The following NICOL1 variants were observed in gnomAD, a reference collection of about 807,000 sequenced individuals.
NICOL1 encodes the protein NELL2 interacting cell ontogeny regulator 1, also known as NELL2-interacting cell ontogeny regulator 1.
At chr4:2,041,716 C>A in the NICOL1 span, 2 of 424,644 alleles carry the variant, frequency 4.7e-6, no homozygotes, top group Non-Finnish European at 4.2e-6. Flanking sequence ...CGCTCCTGAC[C>A]TGCTGAGCTC....
At chr4:2,037,308 C>T in the NICOL1 span, among the ~76,000 whole-genome samples, 4 of 152,096 alleles carry the variant, frequency 2.6e-5, no homozygotes, top group African/African-American at 4.8e-5. Flanking sequence ...TTGGTCAGGC[C>T]GGTCTCGAAC....
the NICOL1 span, among the ~76,000 whole-genome samples, chr4:2,036,663 T>C: frequency 6.6e-6 from 1 of 152,098 alleles, no homozygotes; most frequent in South Asian, 2.1e-4. Flanking sequence ...ATCCTCCCTG[T>C]GGGTATAACT....
At chr4:2,043,366 A>G in the NICOL1 span, among the ~76,000 whole-genome samples, 1 of 152,100 alleles carries the variant, frequency 6.6e-6, no homozygotes, top group Non-Finnish European at 1.5e-5. Flanking sequence ...GCCGGGGCTC[A>G]AGCTTCTTCC....
chr4:2,042,527 G>A, the NICOL1 span: 6 of 426,560 alleles, frequency 1.4e-5, no homozygotes, highest in Non-Finnish European at 2.1e-5. Flanking sequence ...GGCGGGGCTG[G>A]CGACAGGGGC....
chr4:2,042,633 G>A, the NICOL1 span: 16 of 610,424 alleles, frequency 2.6e-5, no homozygotes, highest in East Asian at 5.2e-4. Flanking sequence ...TGGGGAGTGG[G>A]GACGTGCGCT....
At chr4:2,036,801 A>G in the NICOL1 span, among the ~76,000 whole-genome samples, 1 of 152,070 alleles carries the variant, frequency 6.6e-6, no homozygotes, top group East Asian at 1.9e-4. Flanking sequence ...AGTTTGGAAG[A>G]ATGGGGAGAC....
chr4:2,038,275 A>C, the NICOL1 span, among the ~76,000 whole-genome samples: 2 of 98,602 alleles, frequency 2.0e-5, no homozygotes, highest in Admixed American at 2.1e-4. Flanking sequence ...ATATATATAT[A>C]TATATATATA....
chr4:2,042,823 G>A, the NICOL1 span: 1 of 1,487,704 alleles, frequency 6.7e-7, no homozygotes, highest in Non-Finnish European at 8.9e-7. Flanking sequence ...CTGGACGCGC[G>A]GGTGAGCGCC....
chr4:2,038,434 T>C, the NICOL1 span, among the ~76,000 whole-genome samples: 1 of 151,650 alleles, frequency 6.6e-6, no homozygotes, highest in Non-Finnish European at 1.5e-5. Flanking sequence ...ATTACAGGCA[T>C]GCACCACCAC....
the NICOL1 span, among the ~76,000 whole-genome samples, chr4:2,040,343 G>T: frequency 6.6e-6 from 1 of 152,258 alleles, no homozygotes; most frequent in Non-Finnish European, 1.5e-5. Flanking sequence ...CTGACCCCAG[G>T]TGATCCACCG....
the NICOL1 span, chr4:2,043,927 G>A: frequency 3.2e-6 from 5 of 1,547,520 alleles, no homozygotes; most frequent in Non-Finnish European, 4.4e-6. Flanking sequence ...GGGGCACTGA[G>A]GACCACGCTG....
chr4:2,037,756 T>A, the NICOL1 span, among the ~76,000 whole-genome samples: 1 of 152,018 alleles, frequency 6.6e-6, no homozygotes, highest in Non-Finnish European at 1.5e-5. Context: ...TATTCATAAA[T>A]GTCTGGTTCA....
the NICOL1 span, among the ~76,000 whole-genome samples, chr4:2,037,361 C>T: frequency 2.0e-5 from 3 of 152,142 alleles, no homozygotes; most frequent in East Asian, 1.9e-4. Context: ...CCCAAAGTGC[C>T]GGGATTGCAG....
the NICOL1 span, chr4:2,042,664 G>C: frequency 6.2e-5 from 55 of 881,502 alleles, no homozygotes; most frequent in East Asian, 1.5e-3. Flanking sequence ...GGGTGGACGG[G>C]CCCAGAGTGC....
chr4:2,041,961 G>T, the NICOL1 span: 25 of 1,453,554 alleles, frequency 1.7e-5, no homozygotes, highest in East Asian at 3.0e-5. Context: ...GACGACGTCG[G>T]ATGGGGAACC....
chr4:2,042,683 C>T, the NICOL1 span: 1 of 1,116,694 alleles, frequency 9.0e-7, no homozygotes, highest in South Asian at 1.5e-5. Context: ...GCGTGGGGGC[C>T]TTGCGGGTGA....
the NICOL1 span, among the ~76,000 whole-genome samples, chr4:2,040,116 A>C: frequency 6.6e-6 from 1 of 151,954 alleles, no homozygotes; most frequent in Admixed American, 6.6e-5. Context: ...ATATATATAT[A>C]TATTTTTTGA....
chr4:2,041,902 C>G, the NICOL1 span: 2 of 1,327,906 alleles, frequency 1.5e-6, no homozygotes, highest in Non-Finnish European at 2.0e-6. Flanking sequence ...CCTGGAGCGT[C>G]CTAGGTTCCT....
chr4:2,041,829 C>G, the NICOL1 span: 1 of 691,366 alleles, frequency 1.4e-6, no homozygotes, highest in East Asian at 3.4e-5. Flanking sequence ...TAGACTGCAT[C>G]CGCCATGGGC....
Sources: allele counts gnomAD v4.1 joint callset (sites outside exome capture counted in the v4.1 genomes callset), GRCh38; gene constraint gnomAD v4.1.1; transcripts MANE v1.5; gene names NCBI Gene and HGNC (gene_info 2026-07-23, HGNC 2026-07-21).